ZNF320: variants seen among roughly 807,000 people sequenced by gnomAD.
ZNF320 encodes zinc finger protein 320.
ZNF320 carries 2 observed loss-of-function variants against 6.8 expected under a neutral mutation model. The ratio of observed to expected loss-of-function variants is 0.29; its 90% confidence interval spans 0.12 to 0.93. The LOEUF (loss-of-function observed/expected upper bound fraction) is 0.93, where lower values mean the gene tolerates loss of function less well. Ranked by LOEUF, ZNF320 falls within the 40% of genes least tolerant of loss-of-function variation. The probability of loss-of-function intolerance (pLI) is 0.55; values close to 1 mark genes in which losing one functional copy is unlikely to be tolerated. For synonymous variants in ZNF320, 208 were observed against 203.2 expected (o/e 1.02, Z -0.20); for missense variants, 472 against 611.0 (o/e 0.77, Z 2.40).
At chr19:52,892,682 T>C (rs1600653929) in intron 2 of ZNF320, among the ~76,000 whole-genome samples, 1 of 152,196 alleles carries the variant, frequency 6.6e-6, no homozygotes, top group East Asian at 1.9e-4. Flanking sequence ...TCAATCTCTA[T>C]AGATTTCCAC....
chr19:52,897,539 C>T lies in ZNF320; in HGVS notation c.-289G>A, dbSNP rs2064513295. ...TCTCACCCGGACGTCTCAATTTGCT[C>T]TGGGTTGAGAAAGAGGGGCCGCAAT... On this transcript the variant is annotated 5_prime_UTR_variant, in exon 1 of 6. Coordinates refer to ENST00000682928, the MANE Select transcript of ZNF320 (RefSeq NM_001351774.2). 2 of 152,340 alleles carry T rather than the reference C, an allele frequency of 1.3e-5. No individual in the cohort carries two copies. The allele number at this position is 152,340 out of a possible 1,614,324, so 9.4% of individuals were successfully genotyped here. A position where few individuals can be genotyped will look rare whatever the true frequency, so the allele number is the denominator to read the frequency against.
rs912058342 is a variant in ZNF320, at chr19:52,877,375, C to T, written c.*3221G>A. On this transcript the variant is annotated 3_prime_UTR_variant, in exon 6 of 6. Transcript: ENST00000682928. ...TAACATTCTTTGAATCTTTGATCAG[C>T]CTTTCACTAAATACACAATTTATAT... 6.6e-6 allele frequency: 1 copy of T among 152,160 alleles called. No individual in the cohort carries two copies. Among genetic ancestry groups the T allele is most frequent in the Non-Finnish European group, 1.5e-5 (1 of 68,036 alleles). 9.4% of individuals were successfully genotyped at this position (152,160 alleles called of 1,614,324 possible).
Position 52,890,240 on chromosome 19 carries a change from C to T in ZNF320, c.15+1G>A. ...ACAATCCACCGAGAATATCATCTCA[C>T]CTGAGAAAGAGCCATCCCCGACTCC... On this transcript the variant is annotated splice_donor_variant, in intron 4 of 5. Coordinates refer to ENST00000682928, the MANE Select transcript of ZNF320 (RefSeq NM_001351774.2). LOFTEE classifies it high-confidence loss of function. 1 of 1,607,624 alleles carries T rather than the reference C, an allele frequency of 6.2e-7. No individual in the cohort carries two copies. The highest frequency in any genetic ancestry group is 8.5e-7 in the Non-Finnish European group (1 of 1,179,716).
chr19:52,865,323 A>AT, intron 5 of ZNF320: 1 of 293,958 alleles, frequency 3.4e-6, no homozygotes, highest in Non-Finnish European at 6.5e-6. Flanking sequence ...ACCCCATTTC[A>AT]AATATATATA....
chr19:52,872,418 G>C (rs1305269443), downstream of ZNF320, among the ~76,000 whole-genome samples: 2 of 152,224 alleles, frequency 1.3e-5, no homozygotes, highest in Admixed American at 1.3e-4. Context: ...ACAAAGTATA[G>C]AGGGAGAAAA....
intron 5 of ZNF320, among the ~76,000 whole-genome samples, chr19:52,885,257 TATATA>T (rs1210861529): frequency 6.6e-6 from 1 of 151,104 alleles, no homozygotes; most frequent in Non-Finnish European, 1.5e-5. Context: ...CCCACAAACA[TATATA>T]AAGTTCTCCA....
intron 5 of ZNF320, among the ~76,000 whole-genome samples, chr19:52,867,901 C>T (rs531444727): frequency 9.4e-4 from 143 of 152,118 alleles, no homozygotes; most frequent in Non-Finnish European, 8.2e-4. Flanking sequence ...CTTGAGCCAC[C>T]GCACCCGGCC....
chr19:52,901,256 T>C (rs970182364), upstream of ZNF320, among the ~76,000 whole-genome samples: 17 of 152,178 alleles, frequency 1.1e-4, no homozygotes, highest in Admixed American at 6.5e-5. Flanking sequence ...ACTGTAGCAA[T>C]CTTTTGTCTA....
At chr19:52,899,111 T>G (rs2064552610), upstream of ZNF320, among the ~76,000 whole-genome samples, 1 of 152,254 alleles carries the variant, frequency 6.6e-6, no homozygotes, top group Non-Finnish European at 1.5e-5. Flanking sequence ...ACACTTGTGC[T>G]GAATCATTTT....
chr19:52,900,305 C>T (rs566344819), upstream of ZNF320, among the ~76,000 whole-genome samples: 4 of 152,288 alleles, frequency 2.6e-5, no homozygotes, highest in East Asian at 1.9e-4. Context: ...ACAACTAAGC[C>T]GCCTTACAGG....
chr19:52,901,864 C>A (rs1296541062), upstream of ZNF320, among the ~76,000 whole-genome samples: 2 of 152,128 alleles, frequency 1.3e-5, no homozygotes, highest in African/African-American at 4.8e-5. Context: ...GAGAGTCAGG[C>A]TACTGGCCTT....
chr19:52,872,871 G>T (rs1047986171), downstream of ZNF320, among the ~76,000 whole-genome samples: 1 of 152,146 alleles, frequency 6.6e-6, no homozygotes, highest in African/African-American at 2.4e-5. Context: ...ATAGGGTGAT[G>T]GTGAGGAGAG....
intron 5 of ZNF320, chr19:52,865,529 ATTTATATATGATT>A (rs1568692909): frequency 1.8e-4 from 25 of 137,038 alleles, no homozygotes; most frequent in African/African-American, 7.1e-4. Context: ...ATACATATAT[ATTTATATATGATT>A]ATACATATAT....
At chr19:52,872,069 C>T (rs1350604645), downstream of ZNF320, among the ~76,000 whole-genome samples, 1 of 152,158 alleles carries the variant, frequency 6.6e-6, no homozygotes, top group Non-Finnish European at 1.5e-5. Context: ...TGCCTGTCAT[C>T]CTGGCTCCTT....
At position 52,880,398 on chromosome 19, in the gene ZNF320, C is replaced by T. The variant is rs118116135; in HGVS notation, c.*198G>A. The T allele has an allele frequency of 0.011, 5,442 of 496,298 alleles. 58 individuals carry two copies. The highest frequency in any genetic ancestry group is 0.015 in the Non-Finnish European group (4,131 of 284,176). 30.7% of individuals were successfully genotyped at this position (496,298 alleles called of 1,614,324 possible). A position where few individuals can be genotyped will look rare whatever the true frequency, so the allele number is the denominator to read the frequency against. On this transcript the variant is annotated 3_prime_UTR_variant, in exon 6 of 6. Transcript: ENST00000682928. ...CATACAGGCTGGGAAAAGTGGCTCC[C>T]GTCTGTTGGCCAGGCTGGTCTCAAA...
chr19:52,898,908 C>T (rs1391088419), upstream of ZNF320, among the ~76,000 whole-genome samples: 1 of 152,212 alleles, frequency 6.6e-6, no homozygotes, highest in Non-Finnish European at 1.5e-5. Context: ...GGCCCCGGGG[C>T]TGCCTGTCTT....
At chr19:52,893,981 T>C (rs911805365) in intron 1 of ZNF320, 125 bp from the exon 2 acceptor site, 1 of 152,076 alleles carries the variant, frequency 6.6e-6, no homozygotes, top group Non-Finnish European at 1.5e-5. Context: ...ACAACCAACA[T>C]ACAGAAATTA....
At chr19:52,897,863 G>A (rs557958968), upstream of ZNF320, among the ~76,000 whole-genome samples, 8 of 152,158 alleles carry the variant, frequency 5.3e-5, no homozygotes, top group East Asian at 1.9e-4. Context: ...GGGCTATGAG[G>A]GGTCGGCGGG....
chr19:52,898,410 C>T (rs533152650), upstream of ZNF320, among the ~76,000 whole-genome samples: 37 of 152,222 alleles, frequency 2.4e-4, no homozygotes, highest in African/African-American at 8.9e-4. Context: ...CCGCTGAGCC[C>T]GGAGGTCCAG....
Sources: gnomAD v4.1 joint callset for allele counts (sites outside exome capture counted in the v4.1 genomes callset) on GRCh38, gnomAD v4.1.1 for gene constraint, MANE v1.5 for transcripts, NCBI Gene and HGNC (gene_info 2026-07-23, HGNC 2026-07-21) for gene names.